ABCC9: variants seen among roughly 807,000 people sequenced by gnomAD.
ABCC9 encodes ATP binding cassette subfamily C member 9.
A neutral mutation model predicts 188.3 loss-of-function variants in ABCC9; 95 were observed. The ratio of observed to expected loss-of-function variants is 0.50; its 90% CI spans 0.43 to 0.60. ABCC9 has a LOEUF of 0.60. ABCC9 is among the 20% of genes least tolerant of loss of function. ABCC9 has a pLI of 0.00. For synonymous variants in ABCC9, 659 were observed against 652.7 expected, an observed-to-expected ratio of 1.01 and a Z score of -0.15; for missense variants, 1,102 against 1,876.3, an observed-to-expected ratio of 0.59 and a Z score of 7.62.
At chr12:21,882,623 A>ATT in intron 16 of ABCC9, 143 bp downstream of exon 16, 1 of 710,936 alleles carries the variant, frequency 1.4e-6, no homozygotes. Context: ...AAAACTCAGA[A>ATT]TTTTTTTTTA....
chr12:21,882,079 G>C (rs1413922416), intron 16 of ABCC9, among the ~76,000 whole-genome samples: 5 of 152,122 alleles, frequency 3.3e-5, no homozygotes, highest in Non-Finnish European at 7.3e-5. Context: ...CCCATACTGA[G>C]CCTCCCCGTC....
At chr12:21,807,269 T>A in intron 38 of ABCC9, 77 bp downstream of exon 38, 2 of 1,597,162 alleles carry the variant, frequency 1.3e-6, no homozygotes, top group South Asian at 1.1e-5. Flanking sequence ...CAGAACCCAA[T>A]CAGGAAATAA....
chr12:21,915,824 C>T lies in ABCC9; in HGVS notation c.660G>A (p.Val220=). 6.2e-7 allele frequency: 1 copy of T among 1,613,486 alleles called. No homozygotes were observed. Among genetic ancestry groups the T allele is most frequent in the Non-Finnish European group, 8.5e-7 (1 of 1,179,810 alleles). Residue 220 remains valine (V), a synonymous_variant, in exon 7 of 40, where the codon GTG becomes GTA. Transcript: ENST00000261200. The part of the protein sequence containing the change: ...DLGVRFLQPF[V]NLLSKATYWW... ...AGTATGTTGCTTTTGACAGCAAATT[C>T]ACAAATGGTTGAAGAAATCTCACTC...
intron 22 of ABCC9, among the ~76,000 whole-genome samples, chr12:21,853,401 A>G (rs939075546): frequency 2.0e-5 from 3 of 152,130 alleles, no homozygotes; most frequent in Non-Finnish European, 2.9e-5. Context: ...TCAGAATTAA[A>G]TGAGTTAATA....
At chr12:21,875,976 C>T (rs1946322262) in intron 16 of ABCC9, among the ~76,000 whole-genome samples, 1 of 151,964 alleles carries the variant, frequency 6.6e-6, no homozygotes, top group Admixed American at 6.6e-5. Context: ...CCCAGCTACT[C>T]GGGAGGCTGA....
intron 31 of ABCC9, among the ~76,000 whole-genome samples, chr12:21,822,411 C>T (rs1943093463): frequency 6.6e-6 from 1 of 151,776 alleles, no homozygotes; most frequent in Admixed American, 6.6e-5. Context: ...TTGTGTACTA[C>T]ACTTTTCAAA....
At chr12:21,803,767 T>G (rs182361312) in intron 39 of ABCC9, among the ~76,000 whole-genome samples, 1 of 152,246 alleles carries the variant, frequency 6.6e-6, no homozygotes, top group African/African-American at 2.4e-5. Flanking sequence ...TGGTGTCAAT[T>G]GTAATTGTGT....
chr12:21,895,235 G>T, intron 13 of ABCC9, 40 bp downstream of exon 13: 1 of 1,561,820 alleles, frequency 6.4e-7, no homozygotes, highest in South Asian at 1.1e-5. Context: ...TATAAACACT[G>T]ACTTGGTTTC....
rs1029614976 is a variant in ABCC9 at position 21,901,889 on chromosome 12, G to T, written c.1618+4237C>A. ...AACACCCCACTGTCAACATTAGACA[G>T]ATCAACAAGACAGAAAGTTAACAAG... On this transcript the variant is annotated intron_variant, in intron 12 of 39. Coordinates refer to ENST00000261200, the MANE Select transcript of ABCC9 (RefSeq NM_020297.4). Among the ~76,000 whole-genome samples, 4 of 152,152 alleles carry T rather than the reference G, an allele frequency of 2.6e-5. No homozygotes were observed. In the South Asian group the frequency reaches 8.3e-4, roughly 32 times the overall value.
intron 8 of ABCC9, 100 bp from the exon 9 acceptor site, chr12:21,911,078 A>G: frequency 1.8e-6 from 2 of 1,138,614 alleles, no homozygotes; most frequent in Non-Finnish European, 2.6e-6. Flanking sequence ...TTTAAATACA[A>G]AAATTCAATG....
intron 31 of ABCC9, among the ~76,000 whole-genome samples, chr12:21,820,582 G>T (rs990139820): frequency 2.0e-5 from 3 of 151,788 alleles, no homozygotes; most frequent in Non-Finnish European, 4.4e-5. Context: ...TCTGGATTTT[G>T]TACCCTGTCT....
intron 5 of ABCC9, among the ~76,000 whole-genome samples, chr12:21,920,874 C>T (rs1948789103): frequency 6.6e-6 from 1 of 152,014 alleles, no homozygotes; most frequent in Non-Finnish European, 1.5e-5. Context: ...CAAGTTCCAT[C>T]CATGTGGTTG....
chr12:21,831,869 T>G (rs111856168), intron 30 of ABCC9, among the ~76,000 whole-genome samples: 13 of 152,294 alleles, frequency 8.5e-5, no homozygotes, highest in African/African-American at 3.1e-4. Flanking sequence ...GGACTACATT[T>G]GAGATGAACC....
intron 5 of ABCC9, among the ~76,000 whole-genome samples, chr12:21,920,403 A>C (rs948586875): frequency 3.3e-5 from 5 of 152,098 alleles, no homozygotes; most frequent in African/African-American, 1.2e-4. Flanking sequence ...GCAAGATACA[A>C]AGTCAACATA....
At chr12:21,878,566 G>C (rs916317785) in intron 16 of ABCC9, among the ~76,000 whole-genome samples, 1 of 152,120 alleles carries the variant, frequency 6.6e-6, no homozygotes, top group African/African-American at 2.4e-5. Context: ...ACTATGTGTG[G>C]CACATACAAA....
intron 15 of ABCC9, among the ~76,000 whole-genome samples, chr12:21,884,955 T>C (rs985815776): frequency 6.6e-6 from 1 of 152,200 alleles, no homozygotes; most frequent in Admixed American, 6.5e-5. Flanking sequence ...TAAAATGTAC[T>C]GTCTTCTAGA....
rs183819823 is a variant in ABCC9 at position 21,852,931 on chromosome 12, G to A, written c.2506-426C>T. 2.4e-3 allele frequency among the ~76,000 whole-genome samples: 372 copies of A among 152,212 alleles called. 1 individual carries two copies. Among genetic ancestry groups the A allele is most frequent in the African/African-American group, 8.4e-3 (347 of 41,512 alleles). ...TACAGAATCAGCAAGTTCAAAAACCGTATTACTCAGCAATCTATAATAATA... is the reference window on the plus strand; with the variant it reads ...TACAGAATCAGCAAGTTCAAAAACCATATTACTCAGCAATCTATAATAATA... On this transcript the variant is annotated intron_variant, in intron 22 of 39. Transcript: ENST00000261200.
At chr12:21,802,618 A>G (rs1388746975) in intron 39 of ABCC9, among the ~76,000 whole-genome samples, 1 of 152,150 alleles carries the variant, frequency 6.6e-6, no homozygotes, top group Non-Finnish European at 1.5e-5. Context: ...TCTCAATTCG[A>G]ACTATCAACA....
chr12:21,802,556 C>T (rs1941524666), intron 39 of ABCC9, among the ~76,000 whole-genome samples: 1 of 152,188 alleles, frequency 6.6e-6, no homozygotes, highest in East Asian at 1.9e-4. Context: ...TTACATGCTT[C>T]TATTAGTATT....
Sources: gnomAD v4.1 joint callset for allele counts (sites outside exome capture counted in the v4.1 genomes callset) on GRCh38, gnomAD v4.1.1 for gene constraint, MANE v1.5 for transcripts, NCBI Gene and HGNC (gene_info 2026-07-23, HGNC 2026-07-21) for gene names.